The following SLA variants were observed in gnomAD, a reference collection of about 807,000 sequenced individuals.
SLA encodes the protein Src like adaptor, also known as src-like-adapter.
Under a neutral mutation model 30.3 loss-of-function variants are expected in SLA, and 16 were observed. The ratio of observed to expected loss-of-function variants is 0.53; its 90% confidence interval spans 0.36 to 0.80. The LOEUF is 0.80. Among genes scored for constraint, SLA ranks in the 30% least tolerant of loss-of-function variants. The pLI, the probability that SLA is intolerant of heterozygous loss-of-function variation, is 0.01. For missense variants in SLA, 310 were observed against 345.2 expected, an observed-to-expected ratio of 0.90 and a Z score of 0.81; for synonymous variants, 143 against 137.8, an observed-to-expected ratio of 1.04 and a Z score of -0.26.
At chr8:133,055,824 CCAG>C (rs36210010) in intron 3 of SLA, among the ~76,000 whole-genome samples, 475 of 150,810 alleles carry the variant, frequency 3.1e-3, no homozygotes, top group Non-Finnish European at 4.7e-3. Flanking sequence ...CTCCTCATCA[CCAG>C]CAGCAGCAGC....
chr8:133,069,950 G>A (rs1313979076), intron 2 of SLA, among the ~76,000 whole-genome samples: 17 of 136,216 alleles, frequency 1.2e-4, no homozygotes, highest in Admixed American at 1.6e-4. Context: ...GCAGTGAGCC[G>A]AGATTGTGCC....
At chr8:133,052,089 G>A (rs1840509581) in intron 3 of SLA, among the ~76,000 whole-genome samples, 2 of 151,864 alleles carry the variant, frequency 1.3e-5, no homozygotes, top group Admixed American at 6.6e-5. Flanking sequence ...GGGCTTTGGG[G>A]CCCAAACAAG....
intron 2 of SLA, among the ~76,000 whole-genome samples, chr8:133,067,739 G>T (rs1375766789): frequency 1.3e-5 from 2 of 151,618 alleles, no homozygotes; most frequent in Non-Finnish European, 2.9e-5. Context: ...TCGCACCGCT[G>T]CACATTCCAG....
intron 1 of SLA, among the ~76,000 whole-genome samples, chr8:133,081,552 G>T (rs1489321978): frequency 6.6e-6 from 1 of 151,776 alleles, no homozygotes; most frequent in East Asian, 1.9e-4. Context: ...TCTTCGGGAG[G>T]TCTTTTGGCC....
chr8:133,073,732 T>C (rs1844433578), intron 2 of SLA, among the ~76,000 whole-genome samples: 1 of 152,066 alleles, frequency 6.6e-6, no homozygotes, highest in Admixed American at 6.6e-5. Flanking sequence ...AGGGCACCAC[T>C]TTAAACACAG....
intron 3 of SLA, among the ~76,000 whole-genome samples, chr8:133,051,497 C>T (rs1840395176): frequency 1.3e-5 from 2 of 152,192 alleles, no homozygotes; most frequent in African/African-American, 4.8e-5. Flanking sequence ...AAACAAAATA[C>T]TTATTTCTTG....
At chr8:133,041,274 C>A (rs879306788) in intron 7 of SLA, among the ~76,000 whole-genome samples, 4 of 152,204 alleles carry the variant, frequency 2.6e-5, no homozygotes, top group Non-Finnish European at 5.9e-5. Context: ...CACTTCCCAT[C>A]GGGTTTATGG....
intron 1 of SLA, 86 bp downstream of exon 1, chr8:133,102,467 C>T: frequency 8.3e-7 from 1 of 1,205,504 alleles, no homozygotes; most frequent in South Asian, 1.3e-5. Flanking sequence ...CCATCAAGTC[C>T]CTCTGAAGAC....
intron 2 of SLA, among the ~76,000 whole-genome samples, chr8:133,066,158 C>T (rs1398911161): frequency 2.0e-5 from 3 of 152,000 alleles, no homozygotes; most frequent in Admixed American, 6.6e-5. Flanking sequence ...CCCGTCTCTA[C>T]TAAGAATACA....
At chr8:133,087,122 A>G (rs974119047) in intron 1 of SLA, among the ~76,000 whole-genome samples, 4 of 134,720 alleles carry the variant, frequency 3.0e-5, no homozygotes, top group Non-Finnish European at 6.4e-5. Flanking sequence ...ACACACACAC[A>G]CGGAAGAGAC....
chr8:133,053,537 C>T (rs1325602407), intron 3 of SLA, among the ~76,000 whole-genome samples: 1 of 152,128 alleles, frequency 6.6e-6, no homozygotes, highest in East Asian at 1.9e-4. Flanking sequence ...GAACCAGCCC[C>T]TTGCAAAAAA....
At chr8:133,072,660 G>A (rs529672443) in intron 2 of SLA, among the ~76,000 whole-genome samples, 5 of 152,288 alleles carry the variant, frequency 3.3e-5, no homozygotes, top group African/African-American at 7.2e-5. Flanking sequence ...TATTAATGCA[G>A]GGCACTGATT....
chr8:133,047,292 G>A (rs191606825), intron 6 of SLA: 2 of 153,460 alleles, frequency 1.3e-5, no homozygotes, highest in Non-Finnish European at 2.9e-5. Flanking sequence ...GAGGACACAT[G>A]TGATTCTCGG....
At chr8:133,069,004 G>C (rs1843538354) in intron 2 of SLA, among the ~76,000 whole-genome samples, 1 of 152,248 alleles carries the variant, frequency 6.6e-6, no homozygotes, top group African/African-American at 2.4e-5. Flanking sequence ...AATGAAGAAA[G>C]AGTGGTAAAG....
chr8:133,044,903 A>G (rs1839016887), intron 7 of SLA, 81 bp downstream of exon 7: 1 of 1,438,350 alleles, frequency 7.0e-7, no homozygotes, highest in African/African-American at 1.4e-5. Flanking sequence ...ACCCCTCTGC[A>G]TTCCAGACGG....
chr8:133,055,481 G>A (rs1448944215), intron 3 of SLA, among the ~76,000 whole-genome samples: 2 of 151,960 alleles, frequency 1.3e-5, no homozygotes, highest in South Asian at 2.1e-4. Context: ...CGAGTTCTGC[G>A]GGTCACCATG....
intron 1 of SLA, among the ~76,000 whole-genome samples, chr8:133,077,735 ATGTGTGTGTG>A (rs34749093): frequency 2.7e-5 from 4 of 148,060 alleles, no homozygotes; most frequent in Non-Finnish European, 6.0e-5. Flanking sequence ...TCTGGTGTGT[ATGTGTGTGTG>A]TGTGTGTGTG....
intron 1 of SLA, 42 bp downstream of exon 1, chr8:133,102,511 C>T: frequency 1.9e-6 from 3 of 1,547,426 alleles, no homozygotes; most frequent in Non-Finnish European, 2.6e-6. Flanking sequence ...CCACCTATGG[C>T]CCACCCAGGG....
intron 2 of SLA, chr8:133,060,454 A>G: frequency 8.1e-7 from 1 of 1,229,480 alleles, no homozygotes; most frequent in Non-Finnish European, 1.1e-6. Flanking sequence ...AAAAGTTTCC[A>G]TTCCTCCGCA....
Sources: gnomAD v4.1 joint callset for allele counts (sites outside exome capture counted in the v4.1 genomes callset) on GRCh38, gnomAD v4.1.1 for gene constraint, MANE v1.5 for transcripts, NCBI Gene and HGNC (gene_info 2026-07-23, HGNC 2026-07-21) for gene names.